SEMA3E: variants seen among roughly 807,000 people sequenced by gnomAD.
SEMA3E encodes semaphorin 3E.
In SEMA3E, 49 loss-of-function variants were observed where a neutral mutation model predicts 93.6. That is an observed-to-expected ratio of 0.52 (90% confidence interval 0.42 to 0.66). The LOEUF is 0.66. Among genes scored for constraint, SEMA3E ranks in the 30% least tolerant of loss-of-function variants. SEMA3E has a pLI of 0.00. For synonymous variants in SEMA3E, 363 were observed against 330.7 expected (o/e 1.10, Z -1.06); for missense variants, 906 against 964.8 (o/e 0.94, Z 0.81).
chr7:83,451,463 CCATTCATTTATCTACA>C (rs1235375638), intron 4 of SEMA3E, among the ~76,000 whole-genome samples: 1 of 151,876 alleles, frequency 6.6e-6, no homozygotes, highest in Non-Finnish European at 1.5e-5. Context: ...TGTAACAAAC[CCATTCATTTATCTACA>C]CATTCATTCA....
intron 5 of SEMA3E, among the ~76,000 whole-genome samples, chr7:83,412,402 ATCAG>A (rs1788454015): frequency 6.6e-6 from 1 of 152,110 alleles, no homozygotes; most frequent in African/African-American, 2.4e-5. Flanking sequence ...AATTAAATAT[ATCAG>A]AAGTTCCTTT....
At position 83,406,082 on chromosome 7, in the gene SEMA3E, A is replaced by T. The variant is rs372173240; in HGVS notation, c.814-23T>A. On this transcript the variant is annotated intron_variant, in intron 7 of 16. Coordinates refer to ENST00000643230, the MANE Select transcript of SEMA3E (RefSeq NM_012431.3). ...ATTCTGTGAAAACCAAAAAGGAGGT[A>T]AATAGTTACCTAAAGAATTTCGACC... The T allele has an allele frequency of 2.1e-5, 32 of 1,510,476 alleles. No individual in the cohort carries two copies. The African/African-American group carries it at 4.3e-4, about 20-fold the overall frequency. 93.6% of individuals were successfully genotyped at this position (1,510,476 alleles called of 1,614,324 possible).
chr7:83,529,127 A>G (rs985118518), intron 1 of SEMA3E, among the ~76,000 whole-genome samples: 1 of 152,162 alleles, frequency 6.6e-6, no homozygotes, highest in African/African-American at 2.4e-5. Flanking sequence ...TAGTAATTAA[A>G]GAATTTACAA....
At chr7:83,553,461 A>G (rs748021962) in intron 1 of SEMA3E, among the ~76,000 whole-genome samples, 16 of 152,186 alleles carry the variant, frequency 1.1e-4, no homozygotes, top group Non-Finnish European at 1.8e-4. Flanking sequence ...ACATATATAC[A>G]CATACATTTG....
intron 1 of SEMA3E, among the ~76,000 whole-genome samples, chr7:83,495,750 G>A (rs1790478649): frequency 6.6e-6 from 1 of 151,892 alleles, no homozygotes; most frequent in East Asian, 1.9e-4. Context: ...TCAAAGGAAT[G>A]AGGATAAAAT....
intron 2 of SEMA3E, among the ~76,000 whole-genome samples, chr7:83,472,656 G>A (rs1332530531): frequency 6.6e-6 from 1 of 152,150 alleles, no homozygotes; most frequent in Non-Finnish European, 1.5e-5. Flanking sequence ...TGGAGGGATG[G>A]TGTTTCTCAC....
chr7:83,399,060 T>C (rs928862129), intron 11 of SEMA3E, among the ~76,000 whole-genome samples: 1 of 152,186 alleles, frequency 6.6e-6, no homozygotes, highest in Non-Finnish European at 1.5e-5. Context: ...TATTACATCC[T>C]GTTTCCTGAT....
At chr7:83,504,935 A>G (rs1790666366) in intron 1 of SEMA3E, among the ~76,000 whole-genome samples, 1 of 152,116 alleles carries the variant, frequency 6.6e-6, no homozygotes, top group East Asian at 1.9e-4. Context: ...CTCACCGAGA[A>G]AGTTAAAAAA....
chr7:83,590,518 A>G (rs561096190), intron 1 of SEMA3E, among the ~76,000 whole-genome samples: 1 of 152,320 alleles, frequency 6.6e-6, no homozygotes, highest in East Asian at 1.9e-4. Flanking sequence ...AGCACTAAAA[A>G]GTAGAATATT....
chr7:83,525,302 C>A (rs1791132863), intron 1 of SEMA3E, among the ~76,000 whole-genome samples: 1 of 151,998 alleles, frequency 6.6e-6, no homozygotes, highest in Admixed American at 6.6e-5. Flanking sequence ...CCTCACAGAG[C>A]CTTTTATATT....
intron 16 of SEMA3E, among the ~76,000 whole-genome samples, chr7:83,377,396 A>G (rs1386938798): frequency 6.6e-6 from 1 of 151,968 alleles, no homozygotes; most frequent in Non-Finnish European, 1.5e-5. Context: ...TATAGTGAAT[A>G]ATTTTGGCTT....
chr7:83,461,252 G>T (rs1183384503), intron 4 of SEMA3E, among the ~76,000 whole-genome samples: 1 of 151,744 alleles, frequency 6.6e-6, no homozygotes, highest in Non-Finnish European at 1.5e-5. Context: ...TTTCCCTCCC[G>T]CCTGTACCCT....
At chr7:83,561,084 G>C (rs767435881) in intron 1 of SEMA3E, among the ~76,000 whole-genome samples, 16 of 151,892 alleles carry the variant, frequency 1.1e-4, no homozygotes, top group Non-Finnish European at 1.5e-4. Context: ...TGCTAAGAAA[G>C]TACAAATGTT....
At chr7:83,501,482 T>C (rs1348662855) in intron 1 of SEMA3E, among the ~76,000 whole-genome samples, 3 of 152,162 alleles carry the variant, frequency 2.0e-5, no homozygotes, top group South Asian at 2.1e-4. Flanking sequence ...AGATGGAGTC[T>C]TTCTCTGTCA....
rs779472462 is a variant in SEMA3E at position 83,407,241 on chromosome 7, TATAGGAGCAAAAA to T, written c.671-15_671-3del. The T allele has an allele frequency of 1.9e-6, 3 of 1,611,894 alleles. No homozygotes were observed. Among genetic ancestry groups the T allele is most frequent in the Non-Finnish European group, 2.5e-6 (3 of 1,178,916 alleles). On this transcript the variant is annotated splice_region_variant and splice_polypyrimidine_tract_variant and intron_variant, in intron 6 of 16. Transcript: ENST00000643230. ...TGTATGAACCTACAAATTTTGGTTC[TATAGGAGCAAAAA>T]ATAGGAGAAAAAGTGAAATAGATAT...
chr7:83,470,508 A>G (rs186623441), intron 2 of SEMA3E, among the ~76,000 whole-genome samples: 4 of 152,114 alleles, frequency 2.6e-5, no homozygotes, highest in African/African-American at 7.2e-5. Context: ...AGTTTGTTAT[A>G]TTACTCAATT....
chr7:83,540,724 G>A (rs1791513918), intron 1 of SEMA3E, among the ~76,000 whole-genome samples: 1 of 152,164 alleles, frequency 6.6e-6, no homozygotes, highest in South Asian at 2.1e-4. Flanking sequence ...TGCTGTGTAT[G>A]TATCTCTGAG....
At chr7:83,477,760 C>T (rs1287939870) in intron 2 of SEMA3E, among the ~76,000 whole-genome samples, 1 of 151,958 alleles carries the variant, frequency 6.6e-6, no homozygotes, top group Non-Finnish European at 1.5e-5. Flanking sequence ...ACATAAATGC[C>T]TTTCTTCTAC....
At chr7:83,493,594 C>A (rs753405229) in intron 1 of SEMA3E, among the ~76,000 whole-genome samples, 8 of 151,934 alleles carry the variant, frequency 5.3e-5, no homozygotes, top group Middle Eastern at 3.4e-3. Flanking sequence ...TTAAACATTT[C>A]ATAATATAAA....
Sources: gnomAD v4.1 joint callset for allele counts (sites outside exome capture counted in the v4.1 genomes callset) on GRCh38, gnomAD v4.1.1 for gene constraint, MANE v1.5 for transcripts, NCBI Gene and HGNC (gene_info 2026-07-23, HGNC 2026-07-21) for gene names.